Variants in CFAP20DC observed in about 807,000 individuals in gnomAD.
CFAP20DC encodes protein CFAP20DC.
A neutral mutation model predicts 101.7 loss-of-function variants in CFAP20DC; 84 were observed. The ratio of observed to expected loss-of-function variants is 0.83; its 90% confidence interval spans 0.69 to 0.99. The LOEUF (loss-of-function observed/expected upper bound fraction) is 0.99, where lower values mean the gene tolerates loss of function less well. Among genes scored for constraint, CFAP20DC ranks in the 50% least tolerant of loss-of-function variants. The probability of loss-of-function intolerance (pLI) is 0.00; values close to 1 mark genes in which losing one functional copy is unlikely to be tolerated. For missense variants in CFAP20DC, 1,007 were observed against 970.3 expected, an observed-to-expected ratio of 1.04 and a Z score of -0.50; for synonymous variants, 359 against 351.2, an observed-to-expected ratio of 1.02 and a Z score of -0.25.
intron 13 of CFAP20DC, among the ~76,000 whole-genome samples, chr3:58,846,661 C>A (rs1282711064): frequency 2.6e-5 from 4 of 151,590 alleles, no homozygotes; most frequent in Non-Finnish European, 5.9e-5. Context: ...TTGGAAAAAA[C>A]CACTTTAAAG....
intron 6 of CFAP20DC, among the ~76,000 whole-genome samples, chr3:58,885,217 C>CT (rs1206675051): frequency 6.6e-6 from 1 of 152,092 alleles, no homozygotes; most frequent in African/African-American, 2.4e-5. Flanking sequence ...TCTTGTTACC[C>CT]TTTACCCAGC....
rs529191727 is a variant in CFAP20DC, at chr3:58,807,686, C to T, written c.2176-1230G>A. Reference sequence around the variant, plus strand: ...TCTCCTCATCCAAAGGAACGCAGTTCCTCAGCAACGGAACAAAGCTGGATG... The same window carrying T: ...TCTCCTCATCCAAAGGAACGCAGTTTCTCAGCAACGGAACAAAGCTGGATG... On this transcript the variant is annotated intron_variant, in intron 14 of 16. Coordinates refer to ENST00000482387, the MANE Select transcript of CFAP20DC (RefSeq NM_001394063.1). Among the ~76,000 whole-genome samples, 10 of 152,320 alleles carry T rather than the reference C, an allele frequency of 6.6e-5. No homozygotes were observed. The East Asian group carries it at 1.3e-3, about 21-fold the overall frequency.
At chr3:58,996,624 G>T (rs950997844) in intron 4 of CFAP20DC, among the ~76,000 whole-genome samples, 1 of 152,202 alleles carries the variant, frequency 6.6e-6, no homozygotes, top group Non-Finnish European at 1.5e-5. Flanking sequence ...AACAAAAAGT[G>T]TGCTATGTGA....
chr3:58,932,971 A>T (rs986924407), intron 5 of CFAP20DC, among the ~76,000 whole-genome samples: 12 of 152,244 alleles, frequency 7.9e-5, no homozygotes, highest in African/African-American at 2.9e-4. Context: ...TAAAAAACAC[A>T]GACTGGCAAA....
chr3:58,783,327 G>T (rs571122060), intron 15 of CFAP20DC, among the ~76,000 whole-genome samples: 1 of 151,618 alleles, frequency 6.6e-6, no homozygotes, highest in Non-Finnish European at 1.5e-5. Flanking sequence ...CATAAAACTG[G>T]TAGAAAAAAA....
intron 4 of CFAP20DC, among the ~76,000 whole-genome samples, chr3:58,983,495 T>G (rs2092652231): frequency 6.6e-6 from 1 of 152,168 alleles, no homozygotes; most frequent in African/African-American, 2.4e-5. Flanking sequence ...TTTTATATAT[T>G]TTCTATTTGA....
At chr3:58,756,993 A>G (rs2069014261) in intron 15 of CFAP20DC, among the ~76,000 whole-genome samples, 1 of 152,054 alleles carries the variant, frequency 6.6e-6, no homozygotes, top group African/African-American at 2.4e-5. Context: ...ATGTTTTGCA[A>G]TGATTGCAAT....
rs190417561 is a variant in CFAP20DC, at chr3:58,896,678, A to T, written c.551-11969T>A. On this transcript the variant is annotated intron_variant, in intron 6 of 16. Transcript: ENST00000482387. Reference sequence around the variant, plus strand: ...TCAGGATCCGGTTGTTCAATTTCCAAGTACTTGTGTAGTTTTGAGTGAATT... The same window carrying T: ...TCAGGATCCGGTTGTTCAATTTCCATGTACTTGTGTAGTTTTGAGTGAATT... Among the ~76,000 whole-genome samples the T allele has an allele frequency of 5.1e-4, 77 of 152,254 alleles. 1 individual carries two copies. Among genetic ancestry groups the T allele is most frequent in the African/African-American group, 1.8e-3 (76 of 41,544 alleles).
At chr3:59,032,947 A>C (rs1372856947) in intron 4 of CFAP20DC, among the ~76,000 whole-genome samples, 1 of 152,062 alleles carries the variant, frequency 6.6e-6, no homozygotes, top group Non-Finnish European at 1.5e-5. Context: ...CATACAGGAG[A>C]GCTCCAGCTG....
Position 58,849,223 on chromosome 3 carries a change from T to C in CFAP20DC, c.1780A>G (p.Asn594Asp). Residue 594 changes from asparagine to aspartate, a missense_variant, in exon 13 of 17, where the codon AAC (asparagine) becomes GAC (aspartate). By Grantham distance (23) the Asn-to-Asp change is conservative (BLOSUM62 1). Transcript: ENST00000482387. ...GTAGGCAACAAACTCATTTCAAAGTTATTTCTATCTATTTGCTCCATCGAG... is the reference window on the plus strand; with the variant it reads ...GTAGGCAACAAACTCATTTCAAAGTCATTTCTATCTATTTGCTCCATCGAG... ...DSSMEQIDRN[N>D]FEMSLLPTTC... 1 of 1,536,110 alleles carries C rather than the reference T, an allele frequency of 6.5e-7. No individual in the cohort carries two copies.
At chr3:58,835,693 A>G (rs1344969649) in intron 13 of CFAP20DC, among the ~76,000 whole-genome samples, 1 of 152,218 alleles carries the variant, frequency 6.6e-6, no homozygotes, top group Non-Finnish European at 1.5e-5. Context: ...TCACTAATAG[A>G]GCAACTGGTG....
At chr3:58,856,005 A>C (rs2078765861) in intron 12 of CFAP20DC, among the ~76,000 whole-genome samples, 1 of 151,896 alleles carries the variant, frequency 6.6e-6, no homozygotes, top group African/African-American at 2.4e-5. Flanking sequence ...TAAAAAAAAG[A>C]AAGAAAAAAA....
intron 4 of CFAP20DC, among the ~76,000 whole-genome samples, chr3:59,027,852 G>A (rs2093920672): frequency 6.6e-6 from 1 of 152,178 alleles, no homozygotes; most frequent in Non-Finnish European, 1.5e-5. Context: ...TGATGATGCA[G>A]TTTGGAAGGT....
intron 4 of CFAP20DC, among the ~76,000 whole-genome samples, chr3:58,949,911 T>C (rs1327398573): frequency 1.3e-5 from 2 of 152,154 alleles, no homozygotes; most frequent in Non-Finnish European, 2.9e-5. Context: ...GTGTTGGAAG[T>C]TCTGGCCAGG....
In CFAP20DC at chr3:59,047,256, T is replaced by C; in HGVS notation, c.22-2A>G. 6.6e-7 allele frequency: 1 copy of C among 1,524,374 alleles called. No homozygotes were observed. The highest frequency in any genetic ancestry group is 8.8e-7 in the Non-Finnish European group (1 of 1,136,774). The allele number at this position is 1,524,374 out of a possible 1,614,324, so 94.4% of individuals were successfully genotyped here. A position where few individuals can be genotyped will look rare whatever the true frequency, so the allele number is the denominator to read the frequency against. On this transcript the variant is annotated splice_acceptor_variant, in intron 1 of 16. Transcript: ENST00000482387. LOFTEE classifies it high-confidence loss of function. ...GAAAATTTCAACAAATGCACCTCCC[T>C]AGAAAATGAAAATAAAATATTAAAA... is the stretch of plus-strand genomic sequence containing the variant.
Position 58,742,551 on chromosome 3 carries a change from T to C in CFAP20DC, c.2354A>G (p.Glu785Gly). Reference sequence around the variant, plus strand: ...CAAAGTCAGTACTTCCTCGTCCTCTTCCACACTGAGGTCTTCTTCACCTGT... The same window carrying C: ...CAAAGTCAGTACTTCCTCGTCCTCTCCCACACTGAGGTCTTCTTCACCTGT... ...SVQGEEDLSV[E>G]EDEEVLTLLY... The change falls in exon 17 of 17, where the codon GAA becomes GGA. Residue 785 changes from glutamate to glycine, a missense_variant. By Grantham distance (98) the Glu-to-Gly change is moderately conservative (BLOSUM62 -2). Coordinates refer to ENST00000482387, the MANE Select transcript of CFAP20DC (RefSeq NM_001394063.1). 5 of 1,604,370 alleles carry C rather than the reference T, an allele frequency of 3.1e-6. No homozygotes were observed. Among genetic ancestry groups the C allele is most frequent in the Non-Finnish European group, 4.3e-6 (5 of 1,175,194 alleles).
chr3:58,820,334 GA>G (rs2075539707), intron 14 of CFAP20DC, among the ~76,000 whole-genome samples: 1 of 149,890 alleles, frequency 6.7e-6, no homozygotes, highest in South Asian at 2.2e-4. Context: ...ATTCAATTAG[GA>G]AAAGAGGAAG....
intron 3 of CFAP20DC, among the ~76,000 whole-genome samples, chr3:58,734,177 C>CT (rs2067701808): frequency 6.6e-6 from 1 of 152,182 alleles, no homozygotes; most frequent in Admixed American, 6.5e-5. Flanking sequence ...GGTGGCTTCC[C>CT]TTTTGCCTTC....
At chr3:58,743,616 A>G (rs2068002728) in intron 16 of CFAP20DC, among the ~76,000 whole-genome samples, 1 of 152,186 alleles carries the variant, frequency 6.6e-6, no homozygotes, top group South Asian at 2.1e-4. Flanking sequence ...GATGGTGGGT[A>G]TGGTGCAGGG....
Sources: gnomAD v4.1 joint callset for allele counts (sites outside exome capture counted in the v4.1 genomes callset) on GRCh38, gnomAD v4.1.1 for gene constraint, MANE v1.5 for transcripts, NCBI Gene and HGNC (gene_info 2026-07-23, HGNC 2026-07-21) for gene names.